TRIP12: variants seen among roughly 807,000 people sequenced by gnomAD.
TRIP12 encodes the protein E3 ubiquitin-protein ligase TRIP12.
Under a neutral mutation model 244.2 loss-of-function variants are expected in TRIP12, and 25 were observed. The observed-to-expected ratio is 0.10, with a 90% CI of 0.07 to 0.14. The LOEUF (loss-of-function observed/expected upper bound fraction) is 0.14, where lower values mean the gene tolerates loss of function less well. Among genes scored for constraint, TRIP12 ranks in the 10% least tolerant of loss-of-function variants. TRIP12 has a pLI of 1.00. For synonymous variants in TRIP12, 905 were observed against 873.1 expected (o/e 1.04, Z -0.64); for missense variants, 1,677 against 2,486.4 (o/e 0.67, Z 6.92).
chr2:229,853,332 C>T (rs1215197343), intron 4 of TRIP12, among the ~76,000 whole-genome samples: 1 of 152,102 alleles, frequency 6.6e-6, no homozygotes, highest in African/African-American at 2.4e-5. Context: ...AACTTTCATC[C>T]ACCCACTGAA....
intron 4 of TRIP12, among the ~76,000 whole-genome samples, chr2:229,845,492 T>TGGC (rs1298181228): frequency 1.3e-5 from 2 of 152,092 alleles, no homozygotes; most frequent in Non-Finnish European, 2.9e-5. Flanking sequence ...ATTTACTATA[T>TGGC]GGCCATTTGC....
chr2:229,901,794 T>C (rs982771752), intron 1 of TRIP12, among the ~76,000 whole-genome samples: 2 of 151,916 alleles, frequency 1.3e-5, no homozygotes, highest in African/African-American at 2.4e-5. Flanking sequence ...AACTAAGCAG[T>C]GGGAAGAGAA....
Position 229,884,919 on chromosome 2 carries a change from G to A in TRIP12, c.-49-4791C>T, listed in dbSNP as rs527953047. 8.5e-5 allele frequency among the ~76,000 whole-genome samples: 13 copies of A among 152,254 alleles called. No homozygotes were observed. In the South Asian group the frequency reaches 1.0e-3, roughly 12 times the overall value. On this transcript the variant is annotated intron_variant, in intron 1 of 41. Transcript: ENST00000675903. Reference sequence around the variant, plus strand: ...TGGGAGGACGAGGCTGTGGCAGGCCGTGATAATACTACTGCACTCCAGTCT... The same window carrying A: ...TGGGAGGACGAGGCTGTGGCAGGCCATGATAATACTACTGCACTCCAGTCT...
chr2:229,851,054 C>T (rs1221179522), intron 4 of TRIP12, among the ~76,000 whole-genome samples: 1 of 152,248 alleles, frequency 6.6e-6, no homozygotes, highest in Non-Finnish European at 1.5e-5. Context: ...CCGCCCCCTG[C>T]TCCAGGGCAC....
chr2:229,842,413 C>T (rs1317418094), intron 4 of TRIP12, among the ~76,000 whole-genome samples: 1 of 152,080 alleles, frequency 6.6e-6, no homozygotes, highest in Non-Finnish European at 1.5e-5. Context: ...TAATTAGCAT[C>T]ACATTTAATA....
intron 11 of TRIP12, 178 bp from the exon 12 acceptor site, chr2:229,814,503 C>T: frequency 2.0e-6 from 1 of 512,648 alleles, no homozygotes. Context: ...CAGTTTCCTT[C>T]TAACCAGTTT....
chr2:229,913,316 T>C (rs867174571), intron 1 of TRIP12, among the ~76,000 whole-genome samples: 3 of 152,216 alleles, frequency 2.0e-5, no homozygotes, highest in African/African-American at 7.2e-5. Context: ...TATACTCCTA[T>C]ATACAGTTTT....
chr2:229,873,440 CATTCAGTGA>C (rs2063043601), intron 2 of TRIP12, among the ~76,000 whole-genome samples: 1 of 152,160 alleles, frequency 6.6e-6, no homozygotes, highest in Non-Finnish European at 1.5e-5. Context: ...ACTGTATACT[CATTCAGTGA>C]ATAATGTGGC....
chr2:229,898,183 T>C (rs1043544564), intron 1 of TRIP12, among the ~76,000 whole-genome samples: 5 of 152,182 alleles, frequency 3.3e-5, no homozygotes, highest in African/African-American at 9.7e-5. Flanking sequence ...TAGACACACA[T>C]TGATAAGTCA....
intron 30 of TRIP12, among the ~76,000 whole-genome samples, chr2:229,790,771 T>A (rs1218018216): frequency 6.6e-6 from 1 of 152,156 alleles, no homozygotes; most frequent in Non-Finnish European, 1.5e-5. Context: ...GGGTGACAAA[T>A]AAAAAATTAG....
chr2:229,888,060 T>A (rs552111915), intron 1 of TRIP12, among the ~76,000 whole-genome samples: 33 of 152,366 alleles, frequency 2.2e-4, no homozygotes, highest in Admixed American at 2.0e-3. Context: ...CAGCTTCCTG[T>A]CCTTATTAAC....
intron 1 of TRIP12, among the ~76,000 whole-genome samples, chr2:229,913,122 T>G (rs1430803687): frequency 6.6e-6 from 1 of 152,152 alleles, no homozygotes; most frequent in African/African-American, 2.4e-5. Flanking sequence ...GGGGTTGGAA[T>G]TACAGGCATG....
At chr2:229,893,386 C>A (rs762281473) in intron 1 of TRIP12, among the ~76,000 whole-genome samples, 2 of 152,180 alleles carry the variant, frequency 1.3e-5, no homozygotes, top group Non-Finnish European at 2.9e-5. Context: ...ACCTATGTAA[C>A]CCAAATCCTT....
chr2:229,880,267 C>A (rs764508098), intron 1 of TRIP12, 139 bp from the exon 2 acceptor site: 5 of 604,760 alleles, frequency 8.3e-6, no homozygotes, highest in Non-Finnish European at 1.4e-5. Context: ...TGCAATGTCT[C>A]ACTGAACTGT....
intron 34 of TRIP12, among the ~76,000 whole-genome samples, chr2:229,781,906 C>A (rs1461186289): frequency 6.6e-6 from 1 of 152,100 alleles, no homozygotes; most frequent in Admixed American, 6.5e-5. Flanking sequence ...ACAGGTAAGA[C>A]CCATGAAGGA....
At position 229,814,215 on chromosome 2, in the gene TRIP12, T is replaced by G. The variant is rs553039583; in HGVS notation, c.1824+18A>C. 6.8e-6 allele frequency: 11 copies of G among 1,611,286 alleles called. No individual in the cohort carries two copies. In the African/African-American group the frequency reaches 1.2e-4, roughly 18 times the overall value. ...CTACATAAAGTGAAATGTAGTCCCC[T>G]TCAGTAACAACACTTACCGCCTGTA... On this transcript the variant is annotated intron_variant, in intron 12 of 41. Transcript: ENST00000675903.
At position 229,808,324 on chromosome 2, in the gene TRIP12, C is replaced by G; in HGVS notation, c.2267G>C (p.Gly756Ala). 1.9e-6 allele frequency: 3 copies of G among 1,613,762 alleles called. No homozygotes were observed. The highest frequency in any genetic ancestry group is 2.5e-6 in the Non-Finnish European group (3 of 1,180,008). ...AAGATCAATCTGTTCCTGACAACTT[C>G]CATTGGAGGCACCACACAGGAGAAA... ...LHFLLCGASN[G>A]SCQEQIDLVP... The change falls in exon 16 of 42, where the codon GGA becomes GCA. Residue 756 changes from glycine to alanine, a missense_variant. Transcript: ENST00000675903.
intron 4 of TRIP12, among the ~76,000 whole-genome samples, chr2:229,848,192 G>C (rs2057962224): frequency 6.6e-6 from 1 of 152,098 alleles, no homozygotes; most frequent in South Asian, 2.1e-4. Context: ...TGTACTCAGA[G>C]CTTATAAATT....
intron 18 of TRIP12, 65 bp downstream of exon 18, chr2:229,805,661 ATTAT>A (rs763758193): frequency 4.2e-5 from 57 of 1,359,540 alleles, no homozygotes; most frequent in Non-Finnish European, 5.2e-5. Context: ...TAAGCCAATT[ATTAT>A]TTATTATGCA....
Sources: allele counts gnomAD v4.1 joint callset (sites outside exome capture counted in the v4.1 genomes callset), GRCh38; gene constraint gnomAD v4.1.1; transcripts MANE v1.5; gene names NCBI Gene and HGNC (gene_info 2026-07-23, HGNC 2026-07-21).